The following CCSER1 variants were observed in gnomAD, a reference collection of about 807,000 sequenced individuals.
CCSER1 encodes coiled-coil serine rich protein 1.
CCSER1 carries 41 observed loss-of-function variants against 82.0 expected under a neutral mutation model. That is an observed-to-expected ratio of 0.50 (90% CI 0.39 to 0.65). CCSER1 has a LOEUF of 0.65. Among genes scored for constraint, CCSER1 ranks in the 30% least tolerant of loss-of-function variants. The pLI is 0.00. For synonymous variants in CCSER1, 414 were observed against 383.9 expected, an observed-to-expected ratio of 1.08 and a Z score of -0.92; for missense variants, 1,119 against 1,064.2, an observed-to-expected ratio of 1.05 and a Z score of -0.72.
intron 10 of CCSER1, among the ~76,000 whole-genome samples, chr4:91,523,947 A>T (rs1313036410): frequency 6.6e-6 from 1 of 151,910 alleles, no homozygotes; most frequent in African/African-American, 2.4e-5. Flanking sequence ...TCCATGTTAG[A>T]ATGACAAAAT....
At chr4:90,888,548 A>T (rs1002348382) in intron 8 of CCSER1, among the ~76,000 whole-genome samples, 4 of 152,142 alleles carry the variant, frequency 2.6e-5, no homozygotes, top group Admixed American at 6.6e-5. Context: ...GCCACAAAAA[A>T]AATCTCTGGT....
chr4:90,227,668 C>G (rs1469542592), intron 1 of CCSER1, among the ~76,000 whole-genome samples: 1 of 152,188 alleles, frequency 6.6e-6, no homozygotes, highest in Non-Finnish European at 1.5e-5. Context: ...CCAGCGTGAG[C>G]GACGCAGAAG....
At chr4:90,787,037 C>G (rs1754608138) in intron 7 of CCSER1, among the ~76,000 whole-genome samples, 1 of 152,166 alleles carries the variant, frequency 6.6e-6, no homozygotes, top group Non-Finnish European at 1.5e-5. Context: ...GATGAAGTGA[C>G]CATAGAGTGA....
At chr4:90,537,664 G>T (rs1482424507) in intron 5 of CCSER1, among the ~76,000 whole-genome samples, 1 of 152,088 alleles carries the variant, frequency 6.6e-6, no homozygotes, top group African/African-American at 2.4e-5. Context: ...GTGGAATTTA[G>T]CTTCCTACTT....
chr4:90,176,438 A>G (rs1467236872), intron 1 of CCSER1, among the ~76,000 whole-genome samples: 2 of 152,158 alleles, frequency 1.3e-5, no homozygotes, highest in African/African-American at 2.4e-5. Flanking sequence ...GTTTTCTGAA[A>G]TAAACATAGT....
At chr4:90,697,527 TA>T (rs775478498) in intron 6 of CCSER1, among the ~76,000 whole-genome samples, 3 of 151,020 alleles carry the variant, frequency 2.0e-5, no homozygotes, top group Admixed American at 6.6e-5. Flanking sequence ...GGAAATTATT[TA>T]AAAAAAAACA....
intron 4 of CCSER1, among the ~76,000 whole-genome samples, chr4:90,438,648 A>C (rs1759397980): frequency 6.6e-6 from 1 of 152,206 alleles, no homozygotes; most frequent in African/African-American, 2.4e-5. Flanking sequence ...TAATCTAAAA[A>C]ATGTAGATAC....
chr4:90,572,906 T>C (rs1560741821), intron 5 of CCSER1, among the ~76,000 whole-genome samples: 1 of 152,252 alleles, frequency 6.6e-6, no homozygotes, highest in Non-Finnish European at 1.5e-5. Flanking sequence ...ATCCTTGTGA[T>C]TGAGCATTGA....
At chr4:91,060,513 C>T (rs1284056543) in intron 9 of CCSER1, among the ~76,000 whole-genome samples, 7 of 152,032 alleles carry the variant, frequency 4.6e-5, no homozygotes, top group East Asian at 3.9e-4. Flanking sequence ...TATGTGTCCA[C>T]TGGGAAATTC....
chr4:91,532,762 C>T lies in CCSER1; in HGVS notation c.2218-65810C>T, dbSNP rs143025403. On this transcript the variant is annotated intron_variant, in intron 10 of 10. Transcript: ENST00000509176. Reference sequence around the variant, plus strand: ...ATGCACCTATAGTCCCCCAGCTACCCGAGAGGCTGAGGTGGGAGGATCACT... The same window carrying T: ...ATGCACCTATAGTCCCCCAGCTACCTGAGAGGCTGAGGTGGGAGGATCACT... Among the ~76,000 whole-genome samples, 408 of 151,758 alleles carry T rather than the reference C, an allele frequency of 2.7e-3. 1 individual carries two copies. Among genetic ancestry groups the T allele is most frequent in the African/African-American group, 9.4e-3 (387 of 41,384 alleles).
chr4:90,854,077 T>C (rs1330203400), intron 8 of CCSER1, among the ~76,000 whole-genome samples: 1 of 152,206 alleles, frequency 6.6e-6, no homozygotes, highest in Non-Finnish European at 1.5e-5. Flanking sequence ...CTACCAAATG[T>C]ACAATGAACT....
chr4:90,360,579 C>CA (rs61140876), intron 3 of CCSER1, among the ~76,000 whole-genome samples: 1,202 of 75,396 alleles, frequency 0.016, 54 homozygotes, highest in African/African-American at 0.027. Context: ...GACTCCGTCT[C>CA]AAAAAAAAAA....
chr4:91,207,499 C>A (rs28468539), intron 10 of CCSER1, among the ~76,000 whole-genome samples: 1 of 151,718 alleles, frequency 6.6e-6, no homozygotes, highest in South Asian at 2.1e-4. Flanking sequence ...TCTCTTCCTG[C>A]GTTACTTTGC....
chr4:90,988,332 CTCAAAAAAAAAAAA>C (rs1561449006), intron 9 of CCSER1, among the ~76,000 whole-genome samples: 1 of 49,496 alleles, frequency 2.0e-5, no homozygotes, highest in Non-Finnish European at 3.3e-5. Flanking sequence ...GATATCTTGT[CTCAAAAAAAAAAAA>C]AAAAAAAAAA....
At chr4:91,165,741 C>A (rs370013964) in intron 10 of CCSER1, among the ~76,000 whole-genome samples, 1 of 152,212 alleles carries the variant, frequency 6.6e-6, no homozygotes, top group Non-Finnish European at 1.5e-5. Flanking sequence ...CCAAACCAGG[C>A]GTGGGATATA....
At chr4:90,876,843 T>C (rs912951479) in intron 8 of CCSER1, among the ~76,000 whole-genome samples, 1 of 152,150 alleles carries the variant, frequency 6.6e-6, no homozygotes, top group South Asian at 2.1e-4. Context: ...CCTTTATTGA[T>C]GTATCTATAA....
At chr4:90,611,528 C>T (rs927786085) in intron 5 of CCSER1, among the ~76,000 whole-genome samples, 3 of 151,070 alleles carry the variant, frequency 2.0e-5, no homozygotes, top group Non-Finnish European at 2.9e-5. Context: ...AATGTCTAGG[C>T]TACCTGGTAT....
chr4:90,521,155 G>C (rs1209254977), intron 5 of CCSER1, among the ~76,000 whole-genome samples: 1 of 151,974 alleles, frequency 6.6e-6, no homozygotes, highest in African/African-American at 2.4e-5. Flanking sequence ...TATAATTCTT[G>C]TGCTTCTCTT....
chr4:90,495,016 A>C (rs537226658), intron 5 of CCSER1, among the ~76,000 whole-genome samples: 1 of 152,078 alleles, frequency 6.6e-6, no homozygotes, highest in South Asian at 2.1e-4. Flanking sequence ...AGATGCTCTT[A>C]TAATTTCTAG....
Sources: gnomAD v4.1 joint callset for allele counts (sites outside exome capture counted in the v4.1 genomes callset) on GRCh38, gnomAD v4.1.1 for gene constraint, MANE v1.5 for transcripts, NCBI Gene and HGNC (gene_info 2026-07-23, HGNC 2026-07-21) for gene names.